The following ATP13A4 variants were observed in gnomAD, a reference collection of about 807,000 sequenced individuals.
ATP13A4 encodes probable cation-transporting ATPase 13A4.
Under a neutral mutation model 142.5 loss-of-function variants are expected in ATP13A4, and 114 were observed. The observed-to-expected ratio is 0.80, with a 90% confidence interval of 0.69 to 0.93. The LOEUF (loss-of-function observed/expected upper bound fraction) is 0.93. Among genes scored for constraint, ATP13A4 ranks in the 40% least tolerant of loss-of-function variants. The pLI, the probability that ATP13A4 is intolerant of heterozygous loss-of-function variation, is 0.00. For missense variants in ATP13A4, 1,392 were observed against 1,454.0 expected, an observed-to-expected ratio of 0.96 and a Z score of 0.69; for synonymous variants, 488 against 514.8, an observed-to-expected ratio of 0.95 and a Z score of 0.70.
rs372936623 is a variant in ATP13A4, at chr3:193,574,175, A to G, written n.291+7532T>C. Among the ~76,000 whole-genome samples the G allele has an allele frequency of 2.6e-5, 4 of 152,346 alleles. No individual in the cohort carries two copies. In the East Asian group the frequency reaches 5.8e-4, roughly 22 times the overall value. Reference sequence around the variant, plus strand: ...AAATTTCAGAAACAAGTTTTATATAATCAGAAAAAGAAAATTACATATAAA... The same window carrying G: ...AAATTTCAGAAACAAGTTTTATATAGTCAGAAAAAGAAAATTACATATAAA... On this transcript the variant is annotated intron_variant and non_coding_transcript_variant, in intron 2 of 3. Coordinates refer to the ATP13A4 transcript ENST00000489140.
chr3:193,517,658 ATT>A (rs1157501349), intron 1 of ATP13A4, among the ~76,000 whole-genome samples: 17 of 151,000 alleles, frequency 1.1e-4, no homozygotes, highest in South Asian at 6.3e-4. Context: ...TTTTTTTTGT[ATT>A]TTTTTAGTAG....
At chr3:193,554,269 C>T (rs1237005487) in intron 1 of ATP13A4, 1 of 203,400 alleles carries the variant, frequency 4.9e-6, no homozygotes, top group Non-Finnish European at 1.0e-5. Flanking sequence ...CCCTGTCCAA[C>T]AGACTCGGTG....
intron 28 of ATP13A4, among the ~76,000 whole-genome samples, chr3:193,407,847 G>A (rs866935419): frequency 6.6e-6 from 1 of 152,332 alleles, no homozygotes; most frequent in South Asian, 2.1e-4. Context: ...GGGCAGCATT[G>A]CCCTCTTCTC....
chr3:193,592,284 C>T (rs1048917154), intron 1 of ATP13A4, among the ~76,000 whole-genome samples: 1 of 151,990 alleles, frequency 6.6e-6, no homozygotes, highest in African/African-American at 2.4e-5. Flanking sequence ...CCTTACAAAA[C>T]ATAAAAGGTT....
At position 193,408,793 on chromosome 3, in the gene ATP13A4, TCC is replaced by T. The variant is rs200708123; in HGVS notation, c.3298-1402_3298-1401del. On this transcript the variant is annotated intron_variant, in intron 28 of 29. Transcript: ENST00000342695. Reference sequence around the variant, plus strand: ...TACACATCTAGCCCTCCTTCTTCCCTCCCTTCGTTTTAGAGGATAAACCCACA... The same window carrying T: ...TACACATCTAGCCCTCCTTCTTCCCTCTTCGTTTTAGAGGATAAACCCACA... Among the ~76,000 whole-genome samples, 1,195 of 152,282 alleles carry T rather than the reference TCC, an allele frequency of 7.8e-3. 51 individuals carry two copies. The highest frequency in any genetic ancestry group is 0.073 in the Admixed American group (1,115 of 15,292).
chr3:193,407,315 C>T lies in ATP13A4; in HGVS notation c.3376G>A (p.Glu1126Lys), dbSNP rs910808222. ...SLNFIVSLVA[E>K]EAVIENRALW... ...CAGCCCAAGATCAGCACACTTACCT[C>T]GGCCACAAGGGACACAATGAAATTC... The change falls in exon 29 of 30, where the codon GAG (glutamate) becomes AAG (lysine). Residue 1126 changes from glutamate (E) to lysine (K), a missense_variant and splice_region_variant. Transcript: ENST00000342695. 1.2e-5 allele frequency: 20 copies of T among 1,610,342 alleles called. No individual in the cohort carries two copies. The highest frequency in any genetic ancestry group is 1.7e-5 in the Admixed American group (1 of 59,938).
chr3:193,471,535 T>A (rs964631807), intron 8 of ATP13A4, among the ~76,000 whole-genome samples: 1 of 151,654 alleles, frequency 6.6e-6, no homozygotes, highest in African/African-American at 2.4e-5. Context: ...TGAGTGATGA[T>A]CGTGCCACTG....
At chr3:193,447,454 A>G (rs1357638231) in intron 18 of ATP13A4, among the ~76,000 whole-genome samples, 1 of 152,190 alleles carries the variant, frequency 6.6e-6, no homozygotes, top group Non-Finnish European at 1.5e-5. Flanking sequence ...TTGATGGGGA[A>G]ATAATGTATC....
intron 2 of ATP13A4, among the ~76,000 whole-genome samples, chr3:193,510,792 G>A (rs147015246): frequency 3.3e-5 from 5 of 152,074 alleles, no homozygotes; most frequent in Middle Eastern, 3.4e-3. Context: ...TCTTACCAGC[G>A]TGAGATTGAT....
intron 1 of ATP13A4, among the ~76,000 whole-genome samples, chr3:193,549,190 A>G (rs1199779369): frequency 6.6e-6 from 1 of 152,184 alleles, no homozygotes; most frequent in African/African-American, 2.4e-5. Flanking sequence ...GTGTTAATCC[A>G]AATTTAAAAT....
chr3:193,464,698 T>C (rs1375211250), intron 12 of ATP13A4, among the ~76,000 whole-genome samples: 1 of 152,152 alleles, frequency 6.6e-6, no homozygotes, highest in African/African-American at 2.4e-5. Context: ...TTGCTTTTCA[T>C]AGGATATCAA....
At chr3:193,494,787 A>G (rs1720133873) in intron 3 of ATP13A4, among the ~76,000 whole-genome samples, 1 of 152,030 alleles carries the variant, frequency 6.6e-6, no homozygotes, top group Non-Finnish European at 1.5e-5. Context: ...AGGTAAATAA[A>G]ACGAGACAAC....
chr3:193,404,119 T>G, intron 29 of ATP13A4: 1 of 983,498 alleles, frequency 1.0e-6, no homozygotes, highest in Non-Finnish European at 1.2e-6. Flanking sequence ...TGCAGCAAGG[T>G]TTTTTTGTCC....
intron 25 of ATP13A4, among the ~76,000 whole-genome samples, chr3:193,431,030 G>A (rs1021715371): frequency 2.0e-5 from 3 of 152,108 alleles, no homozygotes; most frequent in South Asian, 4.1e-4. Flanking sequence ...ATCACAGTAC[G>A]TTTTGGAGGC....
chr3:193,528,304 G>A lies in ATP13A4; in HGVS notation c.61-13433C>T, dbSNP rs112770005. On this transcript the variant is annotated intron_variant, in intron 1 of 29. Transcript: ENST00000342695. ...TGAGCATCAGAATTATCCAGTGTGCGAAGACTATTGGATTCATTTCTATGA... is the reference window on the plus strand; with the variant it reads ...TGAGCATCAGAATTATCCAGTGTGCAAAGACTATTGGATTCATTTCTATGA... 5.9e-5 allele frequency among the ~76,000 whole-genome samples: 9 copies of A among 152,186 alleles called. No individual in the cohort carries two copies. In the East Asian group the frequency reaches 1.2e-3, roughly 20 times the overall value.
intron 8 of ATP13A4, among the ~76,000 whole-genome samples, chr3:193,481,521 G>A (rs904888386): frequency 6.6e-6 from 1 of 152,144 alleles, no homozygotes; most frequent in African/African-American, 2.4e-5. Flanking sequence ...GCCAGGTGTA[G>A]AGCATTTTTG....
chr3:193,477,828 G>A (rs1414951387), intron 8 of ATP13A4, among the ~76,000 whole-genome samples: 1 of 152,020 alleles, frequency 6.6e-6, no homozygotes, highest in Non-Finnish European at 1.5e-5. Flanking sequence ...AAGATCTGCC[G>A]AGGGTCTCTC....
At chr3:193,424,025 G>A (rs1212693809) in intron 25 of ATP13A4, among the ~76,000 whole-genome samples, 2 of 149,218 alleles carry the variant, frequency 1.3e-5, no homozygotes, top group Non-Finnish European at 3.0e-5. Context: ...CTTTTATATA[G>A]GCTAATGATG....
chr3:193,402,139 A>G lies in ATP13A4; in HGVS notation c.*513T>C. 6.4e-6 allele frequency: 1 copy of G among 157,354 alleles called. No individual in the cohort carries two copies. The highest frequency in any genetic ancestry group is 1.9e-4 in the South Asian group (1 of 5,318). 9.7% of individuals were successfully genotyped at this position (157,354 alleles called of 1,614,324 possible). ...CTTATCCTTAACAATATGTTGGGTA[A>G]GGCCAGAAACAGAAGAAAAAGCCTC... On this transcript the variant is annotated 3_prime_UTR_variant, in exon 30 of 30. Transcript: ENST00000342695.
Sources: gnomAD v4.1 joint callset for allele counts (sites outside exome capture counted in the v4.1 genomes callset) on GRCh38, gnomAD v4.1.1 for gene constraint, MANE v1.5 for transcripts, NCBI Gene and HGNC (gene_info 2026-07-23, HGNC 2026-07-21) for gene names.